Variants in DPH6 observed in about 807,000 individuals in gnomAD.
The protein encoded by DPH6 is diphthine--ammonia ligase.
In DPH6, 33 loss-of-function variants were observed where a neutral mutation model predicts 38.2. The ratio of observed to expected loss-of-function variants is 0.86; its 90% confidence interval spans 0.65 to 1.15. The LOEUF is 1.15. Among genes scored for constraint, DPH6 ranks in the 50% most tolerant of loss-of-function variants. The pLI is 0.00. For missense variants in DPH6, 325 were observed against 320.0 expected (o/e 1.02, Z -0.12); for synonymous variants, 108 against 103.0 (o/e 1.05, Z -0.30).
intron 3 of DPH6, among the ~76,000 whole-genome samples, chr15:35,274,427 G>T (rs554519404): frequency 9.9e-5 from 15 of 152,174 alleles, no homozygotes; most frequent in African/African-American, 3.6e-4. Context: ...CTTCTGCACA[G>T]CAAAAGAAAC....
At chr15:35,401,398 G>T (rs1407243203) in intron 6 of DPH6, 1 of 757,980 alleles carries the variant, frequency 1.3e-6, no homozygotes. Flanking sequence ...TTTTGGTAAT[G>T]ATGGTGGTTA....
intron 3 of DPH6, among the ~76,000 whole-genome samples, chr15:35,364,378 C>A (rs1182456757): frequency 6.6e-6 from 1 of 151,974 alleles, no homozygotes; most frequent in Non-Finnish European, 1.5e-5. Context: ...AAGTTGCAGA[C>A]ATTACTCTTT....
chr15:35,177,287 T>G, the DPH6 span, among the ~76,000 whole-genome samples: 2 of 151,852 alleles, frequency 1.3e-5, no homozygotes, highest in Admixed American at 6.6e-5. Flanking sequence ...AAAACTAATT[T>G]ATTTGGGCCA....
intron 5 of DPH6, among the ~76,000 whole-genome samples, chr15:35,417,367 T>C (rs1475916717): frequency 7.0e-6 from 1 of 143,236 alleles, no homozygotes; most frequent in Admixed American, 7.0e-5. Context: ...GGTTTTAGTA[T>C]TTTCTAACTA....
At chr15:35,402,955 T>TA (rs2053240995) in intron 6 of DPH6, among the ~76,000 whole-genome samples, 2 of 152,222 alleles carry the variant, frequency 1.3e-5, no homozygotes. Context: ...CCTTCATATG[T>TA]AAAATACAAA....
intron 3 of DPH6, among the ~76,000 whole-genome samples, chr15:35,488,500 C>T (rs934113508): frequency 1.3e-5 from 2 of 152,130 alleles, no homozygotes; most frequent in East Asian, 1.9e-4. Flanking sequence ...AGCAGGAGAG[C>T]GAGTGAGCAA....
At chr15:35,545,461 G>A (rs2055332283) in intron 1 of DPH6, among the ~76,000 whole-genome samples, 1 of 152,214 alleles carries the variant, frequency 6.6e-6, no homozygotes, top group African/African-American at 2.4e-5. Flanking sequence ...AACAGCAACT[G>A]GATCTAGCAT....
chr15:35,296,307 T>C (rs2140793064), intron 3 of DPH6, among the ~76,000 whole-genome samples: 2 of 152,294 alleles, frequency 1.3e-5, no homozygotes, highest in South Asian at 4.1e-4. Context: ...ACCACATTAC[T>C]TCTAAAATTT....
intron 5 of DPH6, among the ~76,000 whole-genome samples, chr15:35,417,476 A>T (rs2053451030): frequency 6.6e-6 from 1 of 151,640 alleles, no homozygotes; most frequent in South Asian, 2.1e-4. Flanking sequence ...CAATAGACTT[A>T]CTTTAGATTT....
intron 6 of DPH6, among the ~76,000 whole-genome samples, chr15:35,407,696 A>G (rs1393924201): frequency 6.6e-6 from 1 of 152,008 alleles, no homozygotes; most frequent in African/African-American, 2.4e-5. Flanking sequence ...ACTGTGGACA[A>G]AACATTTCAG....
intron 3 of DPH6, among the ~76,000 whole-genome samples, chr15:35,251,630 A>T (rs1023799): frequency 0.031 from 4,686 of 152,306 alleles, 241 homozygotes; most frequent in African/African-American, 0.11. Context: ...TATCACAGAT[A>T]CGCTAGTCTC....
chr15:35,206,358 T>C, the DPH6 span, among the ~76,000 whole-genome samples: 3 of 152,184 alleles, frequency 2.0e-5, no homozygotes, highest in South Asian at 4.1e-4. Flanking sequence ...TATGTCCTTA[T>C]GTCCACAGTT....
At chr15:35,468,503 C>G (rs185450625) in intron 3 of DPH6, among the ~76,000 whole-genome samples, 1 of 152,128 alleles carries the variant, frequency 6.6e-6, no homozygotes, top group Admixed American at 6.5e-5. Context: ...GACAGATACC[C>G]CATTATCTCT....
the DPH6 span, among the ~76,000 whole-genome samples, chr15:35,197,958 C>A: frequency 6.6e-6 from 1 of 152,044 alleles, no homozygotes; most frequent in African/African-American, 2.4e-5. Context: ...TCCCTTTTTG[C>A]ATAGACGACT....
chr15:35,156,996 C>T, the DPH6 span, among the ~76,000 whole-genome samples: 1 of 152,070 alleles, frequency 6.6e-6, no homozygotes, highest in African/African-American at 2.4e-5. Flanking sequence ...TGACAGACAC[C>T]ACTATAATTT....
chr15:35,316,493 A>G (rs1054043836), intron 3 of DPH6, among the ~76,000 whole-genome samples: 8 of 152,194 alleles, frequency 5.3e-5, no homozygotes, highest in Admixed American at 3.3e-4. Flanking sequence ...CTTAATAAAT[A>G]GGTTAAATAG....
chr15:35,240,456 T>A lies in DPH6; in HGVS notation n.201-19874A>T, dbSNP rs567265274. On this transcript the variant is annotated intron_variant and non_coding_transcript_variant, in intron 3 of 3. Transcript: ENST00000560386. Reference sequence around the variant, plus strand: ...AGACCCATCTGATCTCTCCCCTCCTTGCCAGCCCAAGCTAGGTCCCAATTC... The same window carrying A: ...AGACCCATCTGATCTCTCCCCTCCTAGCCAGCCCAAGCTAGGTCCCAATTC... Among the ~76,000 whole-genome samples, 428 of 141,994 alleles carry A rather than the reference T, an allele frequency of 3.0e-3. 65 individuals carry two copies. The highest frequency in any genetic ancestry group is 4.2e-3 in the Non-Finnish European group (270 of 64,864). The allele number at this position is 141,994 out of a possible 152,430, so 93.2% of individuals were successfully genotyped here. A position where few individuals can be genotyped will look rare whatever the true frequency, so the allele number is the denominator to read the frequency against.
intron 6 of DPH6, among the ~76,000 whole-genome samples, chr15:35,385,183 G>C (rs2052933259): frequency 6.6e-6 from 1 of 152,176 alleles, no homozygotes; most frequent in African/African-American, 2.4e-5. Context: ...GTATAAATTA[G>C]TTCAACCATT....
intron 6 of DPH6, 34 bp downstream of exon 6, chr15:35,410,801 T>A (rs748167740): frequency 6.4e-7 from 1 of 1,553,988 alleles, no homozygotes; most frequent in East Asian, 2.4e-5. Context: ...CTCCTTTAGA[T>A]GGCTACATTT....
Sources: allele counts gnomAD v4.1 joint callset (sites outside exome capture counted in the v4.1 genomes callset), GRCh38; gene constraint gnomAD v4.1.1; transcripts MANE v1.5; gene names NCBI Gene and HGNC (gene_info 2026-07-23, HGNC 2026-07-21).